The following CARM1 variants were observed in gnomAD, a reference collection of about 807,000 sequenced individuals.
CARM1 encodes coactivator associated arginine methyltransferase 1, also known as histone-arginine methyltransferase CARM1.
Under a neutral mutation model 72.7 loss-of-function variants are expected in CARM1, and 14 were observed. The ratio of observed to expected loss-of-function variants is 0.19; its 90% CI spans 0.13 to 0.30. CARM1 has a LOEUF of 0.30. CARM1 is among the 10% of genes least tolerant of loss of function. CARM1 has a pLI of 1.00. For synonymous variants in CARM1, 333 were observed against 345.5 expected, an observed-to-expected ratio of 0.96 and a Z score of 0.40; for missense variants, 432 against 833.7, an observed-to-expected ratio of 0.52 and a Z score of 5.93.
chr19:10,909,598 G>A (rs576169080), intron 4 of CARM1, among the ~76,000 whole-genome samples: 1 of 152,056 alleles, frequency 6.6e-6, no homozygotes, highest in South Asian at 2.1e-4. Flanking sequence ...TTAGTTGGGC[G>A]TGGTGGTGGG....
chr19:10,884,590 C>T (rs574151751), intron 1 of CARM1, among the ~76,000 whole-genome samples: 8 of 152,216 alleles, frequency 5.3e-5, no homozygotes, highest in African/African-American at 1.9e-4. Context: ...CCCCAAAAAG[C>T]AGTTACATGA....
intron 1 of CARM1, among the ~76,000 whole-genome samples, chr19:10,894,743 T>C (rs1253412352): frequency 1.3e-5 from 2 of 149,422 alleles, no homozygotes; most frequent in Non-Finnish European, 3.0e-5. Flanking sequence ...CTCTCTCTCT[T>C]TTTTTTTTTC....
chr19:10,880,568 G>A (rs2073894737), intron 1 of CARM1, among the ~76,000 whole-genome samples: 2 of 150,124 alleles, frequency 1.3e-5, no homozygotes, highest in African/African-American at 2.5e-5. Context: ...TGCTCAGGCG[G>A]ATGTGGAACT....
chr19:10,899,042 T>G (rs1272335162), intron 1 of CARM1, among the ~76,000 whole-genome samples: 1 of 150,988 alleles, frequency 6.6e-6, no homozygotes, highest in Non-Finnish European at 1.5e-5. Flanking sequence ...TGTTTTTTTT[T>G]TTTTTTTTTT....
intron 1 of CARM1, among the ~76,000 whole-genome samples, chr19:10,890,260 GTTTTGTTTGTTTTT>G (rs2073972058): frequency 9.0e-6 from 1 of 110,534 alleles, no homozygotes; most frequent in Non-Finnish European, 2.1e-5. Flanking sequence ...TTTGTTTTTT[GTTTTGTTTGTTTTT>G]TTTTTTTTTT....
intron 1 of CARM1, among the ~76,000 whole-genome samples, chr19:10,890,034 G>A (rs1160199761): frequency 6.6e-6 from 1 of 152,078 alleles, no homozygotes; most frequent in Non-Finnish European, 1.5e-5. Context: ...GATCGCCTAA[G>A]GCTGGGAGTT....
chr19:10,921,393 A>G lies in CARM1; in HGVS notation c.1634A>G (p.Asn545Ser). 2.5e-6 allele frequency: 4 copies of G among 1,609,628 alleles called. No individual in the cohort carries two copies. Among genetic ancestry groups the G allele is most frequent in the Non-Finnish European group, 3.4e-6 (4 of 1,178,786 alleles). The change falls in exon 15 of 16, where the codon AAT becomes AGT. Residue 545 changes from asparagine to serine, a missense_variant. Asn to Ser is a conservative substitution (Grantham distance 46). Transcript: ENST00000327064. Reference sequence around the variant, plus strand: ...TGCGCAGCCAACACGGGGATTGTCAATCACACCCACTCCCGGATGGGCTCC... The same window carrying G: ...TGCGCAGCCAACACGGGGATTGTCAGTCACACCCACTCCCGGATGGGCTCC... ...LIPLANTGIV[N>S]HTHSRMGSIM... is the part of the protein sequence containing the mutation.
At chr19:10,919,396 T>G (rs1220928430) in intron 8 of CARM1, 199 bp from the exon 9 acceptor site, 3 of 569,120 alleles carry the variant, frequency 5.3e-6, no homozygotes. Flanking sequence ...GATAAACACT[T>G]GTCATTTGGA....
At chr19:10,901,934 TC>T (rs1224170062) in intron 1 of CARM1, among the ~76,000 whole-genome samples, 2 of 151,178 alleles carry the variant, frequency 1.3e-5, no homozygotes, top group East Asian at 3.9e-4. Context: ...GGGCAACAGA[TC>T]AAGAATCTGT....
chr19:10,889,515 G>C (rs1462576638), intron 1 of CARM1, among the ~76,000 whole-genome samples: 1 of 143,770 alleles, frequency 7.0e-6, no homozygotes, highest in Non-Finnish European at 1.5e-5. Context: ...TTTTAGTAGA[G>C]ACGGGGTTTC....
In CARM1 at chr19:10,920,099, G is replaced by T. The variant is rs189371628; in HGVS notation, c.1196+133G>T. The T allele has an allele frequency of 4.4e-5, 32 of 726,804 alleles. No individual in the cohort carries two copies. The East Asian group carries it at 8.3e-4, about 19-fold the overall frequency. 45.0% of individuals were successfully genotyped at this position (726,804 alleles called of 1,614,324 possible). Reference sequence around the variant, plus strand: ...TCCAATGGGAGTGAGAGCCTGTCTCGGAGCAAGAGACTGTTGTGGGTGGGG... The same window carrying T: ...TCCAATGGGAGTGAGAGCCTGTCTCTGAGCAAGAGACTGTTGTGGGTGGGG... On this transcript the variant is annotated intron_variant, in intron 10 of 15. Transcript: ENST00000327064. The surrounding 1 kb of genome is among the most constrained non-coding windows in gnomAD (Gnocchi z 5.3).
intron 5 of CARM1, among the ~76,000 whole-genome samples, chr19:10,913,493 G>T (rs1293034233): frequency 6.6e-6 from 1 of 151,806 alleles, no homozygotes; most frequent in Non-Finnish European, 1.5e-5. Context: ...AGCCGAGATG[G>T]CGCCACTACC....
rs373142648 is a variant in CARM1, at chr19:10,920,988, C to T, written c.1537+42C>T. Reference sequence around the variant, plus strand: ...CCAATGCCCAGCCAACCCGGGAGGCCGCCCTCGCCGCAGGCCTGGCCCCTC... The same window carrying T: ...CCAATGCCCAGCCAACCCGGGAGGCTGCCCTCGCCGCAGGCCTGGCCCCTC... On this transcript the variant is annotated intron_variant, in intron 13 of 15. Coordinates refer to ENST00000327064, the MANE Select transcript of CARM1 (RefSeq NM_199141.2). This position sits in a 1 kb window ranked among gnomAD's most constrained non-coding sequence, Gnocchi z 5.3. 3.2e-5 allele frequency: 51 copies of T among 1,612,410 alleles called. 1 individual carries two copies. The highest frequency in any genetic ancestry group is 1.2e-4 in the South Asian group (11 of 91,050).
chr19:10,903,192 G>A (rs1433543879), intron 1 of CARM1, among the ~76,000 whole-genome samples: 1 of 152,026 alleles, frequency 6.6e-6, no homozygotes, highest in Non-Finnish European at 1.5e-5. Flanking sequence ...GTTTATTTCT[G>A]GACTCTGATT....
chr19:10,920,123 GGTGTGT>G lies in CARM1; in HGVS notation c.1196+172_1196+177del, dbSNP rs55667142. Among the ~76,000 whole-genome samples the G allele has an allele frequency of 2.7e-5, 4 of 150,028 alleles. No homozygotes were observed. Among genetic ancestry groups the G allele is most frequent in the Middle Eastern group, 3.4e-3 (1 of 294 alleles). ...CGGAGCAAGAGACTGTTGTGGGTGG[GGTGTGT>G]GTGTGTGTGTGTGTATGTGTGTGTG... On this transcript the variant is annotated intron_variant, in intron 10 of 15. Transcript: ENST00000327064. This position sits in a 1 kb window ranked among gnomAD's most constrained non-coding sequence, Gnocchi z 5.3.
intron 4 of CARM1, among the ~76,000 whole-genome samples, chr19:10,911,322 C>A (rs2074149088): frequency 1.3e-5 from 2 of 152,194 alleles, no homozygotes; most frequent in African/African-American, 4.8e-5. Context: ...GCTTACCGTC[C>A]CAGAGGATGG....
At chr19:10,893,317 G>C (rs563396036) in intron 1 of CARM1, among the ~76,000 whole-genome samples, 10 of 152,096 alleles carry the variant, frequency 6.6e-5, no homozygotes, top group Non-Finnish European at 1.3e-4. Flanking sequence ...GATTACAGGC[G>C]TGAGCCACTG....
At position 10,896,263 on chromosome 19, in the gene CARM1, C is replaced by G. The variant is rs546341898; in HGVS notation, c.221-8688C>G. 6.6e-5 allele frequency among the ~76,000 whole-genome samples: 10 copies of G among 152,144 alleles called. No individual in the cohort carries two copies. The South Asian group carries it at 1.7e-3, about 25-fold the overall frequency. ...GGGCTGCCGTGGAGCTGCTTGCTGC[C>G]CCACCCACCATTCTCTAGTGTATTT... On this transcript the variant is annotated intron_variant, in intron 1 of 15. Coordinates refer to ENST00000327064, the MANE Select transcript of CARM1 (RefSeq NM_199141.2). This position sits in a 1 kb window ranked among gnomAD's most constrained non-coding sequence, Gnocchi z 5.2.
chr19:10,890,319 G>A (rs1323834852), intron 1 of CARM1, among the ~76,000 whole-genome samples: 4 of 149,488 alleles, frequency 2.7e-5, no homozygotes, highest in Admixed American at 6.7e-5. Context: ...CCAGGCTGGA[G>A]TGCAGTGGCG....
Sources: gnomAD v4.1 joint callset for allele counts (sites outside exome capture counted in the v4.1 genomes callset) on GRCh38, gnomAD v4.1.1 for gene constraint, Gnocchi (gnomAD v3.1) non-coding constraint, MANE v1.5 for transcripts, NCBI Gene and HGNC (gene_info 2026-07-23, HGNC 2026-07-21) for gene names.